The following DUSP10 variants were observed in gnomAD, a reference collection of about 807,000 sequenced individuals.
The protein encoded by DUSP10 is dual specificity protein phosphatase 10.
Under a neutral mutation model 30.8 loss-of-function variants are expected in DUSP10, and 14 were observed. That is an observed-to-expected ratio of 0.46 (90% CI 0.30 to 0.71). The LOEUF (loss-of-function observed/expected upper bound fraction) is 0.71, where lower values mean the gene tolerates loss of function less well. DUSP10 is among the 30% of genes least tolerant of loss of function. DUSP10 has a pLI of 0.08. For missense variants in DUSP10, 550 were observed against 619.4 expected (o/e 0.89, Z 1.19); for synonymous variants, 254 against 250.4 (o/e 1.01, Z -0.14).
chr1:221,729,932 G>A (rs757000277), intron 2 of DUSP10, among the ~76,000 whole-genome samples: 4 of 152,204 alleles, frequency 2.6e-5, no homozygotes, highest in Non-Finnish European at 5.9e-5. Flanking sequence ...TTTTAAGACA[G>A]GAAGAAACAC....
chr1:221,715,570 G>A (rs1220391087), intron 2 of DUSP10, among the ~76,000 whole-genome samples: 2 of 152,234 alleles, frequency 1.3e-5, no homozygotes, highest in Admixed American at 6.5e-5. Context: ...TAATTTGTGT[G>A]TATTTGAATA....
intron 2 of DUSP10, among the ~76,000 whole-genome samples, chr1:221,730,664 A>C (rs536267083): frequency 2.0e-4 from 30 of 152,240 alleles, no homozygotes; most frequent in African/African-American, 6.8e-4. Flanking sequence ...GAGAATAGGT[A>C]AGAGCCTTTA....
chr1:221,709,918 T>C (rs937038226), intron 2 of DUSP10, among the ~76,000 whole-genome samples: 4 of 152,148 alleles, frequency 2.6e-5, no homozygotes, highest in Admixed American at 2.6e-4. Context: ...TTAAGAATAT[T>C]AGAACATGAT....
At chr1:221,741,487 G>T (rs1056549952) in intron 1 of DUSP10, among the ~76,000 whole-genome samples, 1 of 152,078 alleles carries the variant, frequency 6.6e-6, no homozygotes, top group Admixed American at 6.5e-5. Flanking sequence ...CATACTGCCC[G>T]TGAAACCATC....
chr1:221,731,670 G>A (rs945682943), intron 2 of DUSP10, among the ~76,000 whole-genome samples: 6 of 148,790 alleles, frequency 4.0e-5, no homozygotes, highest in East Asian at 3.9e-4. Context: ...GTGCAGTGGC[G>A]GGATCTCGGC....
intron 2 of DUSP10, among the ~76,000 whole-genome samples, chr1:221,729,701 A>G (rs1228301937): frequency 6.6e-6 from 1 of 152,166 alleles, no homozygotes; most frequent in Non-Finnish European, 1.5e-5. Context: ...AATTTCAGGG[A>G]TGATAGGTTG....
At chr1:221,710,166 GATAA>G (rs376252963) in intron 2 of DUSP10, among the ~76,000 whole-genome samples, 93 of 152,268 alleles carry the variant, frequency 6.1e-4, no homozygotes, top group African/African-American at 2.0e-3. Flanking sequence ...CCAGGTATTC[GATAA>G]ATAATGTCTT....
Position 221,706,294 on chromosome 1 carries a change from G to A in DUSP10, c.984C>T (p.Phe328=). Residue 328 remains phenylalanine (F), a synonymous_variant, in exon 3 of 4, where the codon TTC becomes TTT. Transcript: ENST00000366899. The surrounding 1 kb of genome is among the most constrained non-coding windows in gnomAD (Gnocchi z 4.6). ...ENAELTPILP[F]LFLGNEQDAQ... ...CATCCTGCTCATTGCCAAGGAACAG[G>A]AAGGGCAAGATGGGGGTGAGCTCAG... 1 of 1,614,228 alleles carries A rather than the reference G, an allele frequency of 6.2e-7. No individual in the cohort carries two copies. The highest frequency in any genetic ancestry group is 1.1e-5 in the South Asian group (1 of 91,080).
intron 3 of DUSP10, among the ~76,000 whole-genome samples, chr1:221,705,238 TAGCTGGG>T (rs1163507909): frequency 1.3e-5 from 2 of 151,712 alleles, no homozygotes; most frequent in Non-Finnish European, 2.9e-5. Context: ...GCCTCCTGAG[TAGCTGGG>T]ATTACAGGCA....
intron 2 of DUSP10, among the ~76,000 whole-genome samples, chr1:221,723,871 T>C (rs10863650): frequency 0.11 from 16,258 of 152,298 alleles, 910 homozygotes; most frequent in Middle Eastern, 0.13. Context: ...ATTAAATTAT[T>C]GGCCTTGTGA....
rs74402003 is a variant in DUSP10, at chr1:221,721,501, G to T, written c.812-15035C>A. Among the ~76,000 whole-genome samples the T allele has an allele frequency of 3.8e-3, 577 of 152,274 alleles. 5 individuals are homozygous for T. Among genetic ancestry groups the T allele is most frequent in the African/African-American group, 0.013 (559 of 41,558 alleles). On this transcript the variant is annotated intron_variant, in intron 2 of 3. Coordinates refer to ENST00000366899, the MANE Select transcript of DUSP10 (RefSeq NM_007207.6). ...GACTCGCCAGGTGAATTCAGCACAAGGATTTAGAAATCCTGGCATTCCAAG... is the reference window on the plus strand; with the variant it reads ...GACTCGCCAGGTGAATTCAGCACAATGATTTAGAAATCCTGGCATTCCAAG...
At chr1:221,714,063 G>C (rs935209074) in intron 2 of DUSP10, among the ~76,000 whole-genome samples, 2 of 151,342 alleles carry the variant, frequency 1.3e-5, no homozygotes, top group African/African-American at 4.9e-5. Context: ...TGTTTTAAGA[G>C]AAAAAAAAAT....
intron 2 of DUSP10, among the ~76,000 whole-genome samples, chr1:221,718,894 T>C (rs1328197536): frequency 6.6e-6 from 1 of 152,188 alleles, no homozygotes; most frequent in African/African-American, 2.4e-5. Context: ...TGTGAAACAT[T>C]CCCATTGGAA....
intron 2 of DUSP10, among the ~76,000 whole-genome samples, chr1:221,738,723 G>C (rs1485788049): frequency 2.0e-5 from 3 of 152,238 alleles, no homozygotes; most frequent in Non-Finnish European, 2.9e-5. Context: ...CCCAAATGAA[G>C]GGTAGAACCC....
Position 221,706,576 on chromosome 1 carries a change from C to A in DUSP10, c.812-110G>T. On this transcript the variant is annotated intron_variant, in intron 2 of 3. Coordinates refer to ENST00000366899, the MANE Select transcript of DUSP10 (RefSeq NM_007207.6). This position sits in a 1 kb window ranked among gnomAD's most constrained non-coding sequence, Gnocchi z 4.6. ...TTGTAGCTCATGCATATTTTAAATA[C>A]ATATATAAATATGTATTTAAGCAAA... The A allele has an allele frequency of 4.3e-6, 3 of 705,736 alleles. No homozygotes were observed. Among genetic ancestry groups the A allele is most frequent in the Non-Finnish European group, 6.3e-6 (3 of 476,922 alleles). 43.7% of individuals were successfully genotyped at this position (705,736 alleles called of 1,614,324 possible).
intron 2 of DUSP10, chr1:221,737,112 CT>C (rs1306943414): frequency 1.0e-6 from 1 of 985,450 alleles, no homozygotes; most frequent in Non-Finnish European, 1.2e-6. Flanking sequence ...TGGGTCACCC[CT>C]ATCCACAACT....
In DUSP10 at chr1:221,706,219, G is replaced by A. The variant is rs115069867; in HGVS notation, c.1059C>T (p.Asn353=). 1,160 of 1,614,200 alleles carry A rather than the reference G, an allele frequency of 7.2e-4. 5 individuals carry two copies. In the African/African-American group the frequency reaches 0.011, roughly 15 times the overall value. Reference sequence around the variant, plus strand: ...GGTAGAGGGGAAGATGAGTGGTGACGTTGATGACGTAGCCGATGTTCAGCC... The same window carrying A: ...GGTAGAGGGGAAGATGAGTGGTGACATTGATGACGTAGCCGATGTTCAGCC... The part of the protein sequence containing the change: ...MQRLNIGYVI[N]VTTHLPLYHY... The change falls in exon 3 of 4, where the codon AAC becomes AAT. Residue 353 remains asparagine, a synonymous_variant. Transcript: ENST00000366899. The surrounding 1 kb of genome is among the most constrained non-coding windows in gnomAD (Gnocchi z 4.6).
intron 1 of DUSP10, among the ~76,000 whole-genome samples, chr1:221,740,514 T>C (rs1661922108): frequency 6.6e-6 from 1 of 152,184 alleles, no homozygotes; most frequent in Non-Finnish European, 1.5e-5. Context: ...TCTCAAGCCA[T>C]GGAGCCAGAT....
At chr1:221,709,144 C>T (rs1456119663) in intron 2 of DUSP10, among the ~76,000 whole-genome samples, 1 of 152,178 alleles carries the variant, frequency 6.6e-6, no homozygotes, top group African/African-American at 2.4e-5. Flanking sequence ...GTTGCCATAG[C>T]AGTTACACAA....
Sources: gnomAD v4.1 joint callset for allele counts (sites outside exome capture counted in the v4.1 genomes callset) on GRCh38, gnomAD v4.1.1 for gene constraint, Gnocchi (gnomAD v3.1) non-coding constraint, MANE v1.5 for transcripts, NCBI Gene and HGNC (gene_info 2026-07-23, HGNC 2026-07-21) for gene names.